The following TAF2 variants were observed in gnomAD, a reference collection of about 807,000 sequenced individuals.
TAF2 encodes the protein transcription initiation factor TFIID subunit 2.
Under a neutral mutation model 138.5 loss-of-function variants are expected in TAF2, and 61 were observed. That is an observed-to-expected ratio of 0.44 (90% CI 0.36 to 0.54). TAF2 has a LOEUF of 0.54. Among genes scored for constraint, TAF2 ranks in the 20% least tolerant of loss-of-function variants. TAF2 has a pLI of 0.00. For synonymous variants in TAF2, 475 were observed against 469.9 expected, an observed-to-expected ratio of 1.01 and a Z score of -0.14; for missense variants, 1,090 against 1,427.9, an observed-to-expected ratio of 0.76 and a Z score of 3.81.
chr8:119,732,067 CATGGTGATG>C lies in TAF2; in HGVS notation c.3448_3456del (p.His1150_His1152del). 1 of 1,614,060 alleles carries C rather than the reference CATGGTGATG, an allele frequency of 6.2e-7. No homozygotes were observed. Among genetic ancestry groups the C allele is most frequent in the Non-Finnish European group, 8.5e-7 (1 of 1,179,994 alleles). On this transcript the variant is annotated inframe_deletion, in exon 26 of 26. Transcript: ENST00000378164. ...TGCTTCTTCTTCTTTTTCTTGTGCT[CATGGTGATG>C]GTGGTGATGGTGGTCACTGTGTTTG... is the stretch of plus-strand genomic sequence containing the variant.
chr8:119,768,587 C>CA (rs1364762867), intron 18 of TAF2, among the ~76,000 whole-genome samples: 2 of 152,144 alleles, frequency 1.3e-5, no homozygotes, highest in East Asian at 3.9e-4. Context: ...AGCATATGGT[C>CA]AATTTGGGGG....
chr8:119,830,083 A>G (rs1346158628), intron 2 of TAF2, among the ~76,000 whole-genome samples: 3 of 151,702 alleles, frequency 2.0e-5, no homozygotes, highest in Non-Finnish European at 4.4e-5. Flanking sequence ...TATTTTTAGT[A>G]GAGACAGGGT....
At chr8:119,800,544 T>C (rs866737257) in intron 6 of TAF2, among the ~76,000 whole-genome samples, 3 of 152,238 alleles carry the variant, frequency 2.0e-5, no homozygotes, top group African/African-American at 4.8e-5. Flanking sequence ...TTGGTTACTG[T>C]AGCCTTGTAG....
intron 22 of TAF2, among the ~76,000 whole-genome samples, chr8:119,751,966 TG>T (rs1820383226): frequency 1.3e-5 from 2 of 152,262 alleles, no homozygotes; most frequent in Admixed American, 1.3e-4. Flanking sequence ...ATGATCATAT[TG>T]TCGATATGTA....
At chr8:119,770,932 C>G (rs942496827) in intron 18 of TAF2, among the ~76,000 whole-genome samples, 4 of 152,004 alleles carry the variant, frequency 2.6e-5, no homozygotes, top group African/African-American at 9.7e-5. Context: ...TTAGCTGGGC[C>G]TGGTGGCATG....
At chr8:119,807,172 C>A (rs563531588) in intron 3 of TAF2, among the ~76,000 whole-genome samples, 2 of 152,302 alleles carry the variant, frequency 1.3e-5, no homozygotes, top group African/African-American at 4.8e-5. Flanking sequence ...CCTACCTCCA[C>A]CCATTAGTGC....
At chr8:119,806,604 A>G (rs1411997939) in intron 3 of TAF2, among the ~76,000 whole-genome samples, 2 of 151,596 alleles carry the variant, frequency 1.3e-5, no homozygotes, top group Non-Finnish European at 2.9e-5. Flanking sequence ...AGTAGCTAGG[A>G]TTACAGGCAC....
chr8:119,769,918 C>T (rs901989415), intron 18 of TAF2, among the ~76,000 whole-genome samples: 11 of 151,902 alleles, frequency 7.2e-5, no homozygotes, highest in South Asian at 4.2e-4. Context: ...CCACCATGCC[C>T]GGCTAATTTT....
chr8:119,770,827 A>C (rs1563853190), intron 18 of TAF2, among the ~76,000 whole-genome samples: 4 of 152,204 alleles, frequency 2.6e-5, no homozygotes, highest in African/African-American at 7.2e-5. Context: ...TAATCCTACC[A>C]CTTTGGGAGA....
intron 18 of TAF2, chr8:119,767,016 C>T (rs531201014): frequency 6.6e-6 from 1 of 152,276 alleles, no homozygotes; most frequent in East Asian, 1.9e-4. Context: ...CATATATCTT[C>T]TGATTCTGTA....
chr8:119,825,260 G>A (rs771937020), intron 2 of TAF2, among the ~76,000 whole-genome samples: 10 of 152,228 alleles, frequency 6.6e-5, no homozygotes, highest in South Asian at 2.1e-4. Flanking sequence ...GACTTGCATG[G>A]GGCCTGTAGC....
chr8:119,793,663 T>C (rs1001085635), intron 9 of TAF2, among the ~76,000 whole-genome samples: 6 of 152,218 alleles, frequency 3.9e-5, no homozygotes, highest in African/African-American at 1.4e-4. Context: ...AAGACTTCTC[T>C]ACTTTATGAC....
rs187207992 is a variant in TAF2 at position 119,747,890 on chromosome 8, G to A, written c.2879-956C>T. ...TGTAATCCCAGCACTCTGGGAGGCCGGGGTGGGCAGATCGCTTGAGCTCAG... is the reference window on the plus strand; with the variant it reads ...TGTAATCCCAGCACTCTGGGAGGCCAGGGTGGGCAGATCGCTTGAGCTCAG... On this transcript the variant is annotated intron_variant, in intron 22 of 25. Transcript: ENST00000378164. Among the ~76,000 whole-genome samples the A allele has an allele frequency of 1.1e-4, 16 of 152,256 alleles. No individual in the cohort carries two copies. In the East Asian group the frequency reaches 2.5e-3, roughly 24 times the overall value.
intron 25 of TAF2, among the ~76,000 whole-genome samples, chr8:119,734,809 G>T (rs903824457): frequency 1.3e-5 from 2 of 152,140 alleles, no homozygotes; most frequent in African/African-American, 4.8e-5. Flanking sequence ...GAGCACAACA[G>T]GGCACTTAAA....
chr8:119,773,868 T>C (rs1822017749), intron 18 of TAF2, among the ~76,000 whole-genome samples: 1 of 151,632 alleles, frequency 6.6e-6, no homozygotes, highest in Non-Finnish European at 1.5e-5. Context: ...ATAATAATTG[T>C]CTTATTAAAA....
In TAF2 at chr8:119,793,470, T is replaced by C. The variant is rs191494026; in HGVS notation, c.1192-19A>G. On this transcript the variant is annotated intron_variant, in intron 9 of 25. Transcript: ENST00000378164. ...CTAGCTCCTAAAAAATATATAAAAA[T>C]AGGAGTCAGTAAAATTTGTAAAGTA... 3.0e-3 allele frequency: 4,759 copies of C among 1,579,664 alleles called. 6 individuals carry two copies. Among genetic ancestry groups the C allele is most frequent in the Non-Finnish European group, 3.5e-3 (4,085 of 1,151,982 alleles).
chr8:119,795,306 T>A (rs747963279), intron 9 of TAF2, among the ~76,000 whole-genome samples: 4 of 152,180 alleles, frequency 2.6e-5, no homozygotes, highest in Non-Finnish European at 4.4e-5. Context: ...ATCTGATGTT[T>A]AAGAAACTTA....
At chr8:119,822,667 C>G (rs945865544) in intron 2 of TAF2, among the ~76,000 whole-genome samples, 1 of 152,182 alleles carries the variant, frequency 6.6e-6, no homozygotes, top group Non-Finnish European at 1.5e-5. Context: ...GAATCAAGAT[C>G]ACACTCTGAA....
chr8:119,795,832 CCTTTCAT>C (rs1823786280), intron 8 of TAF2, among the ~76,000 whole-genome samples: 1 of 152,084 alleles, frequency 6.6e-6, no homozygotes, highest in African/African-American at 2.4e-5. Flanking sequence ...CCTGCCTTTA[CCTTTCAT>C]TATGAGACTG....
Sources: allele counts gnomAD v4.1 joint callset (sites outside exome capture counted in the v4.1 genomes callset), GRCh38; gene constraint gnomAD v4.1.1; transcripts MANE v1.5; gene names NCBI Gene and HGNC (gene_info 2026-07-23, HGNC 2026-07-21).